SH3D19: variants seen among roughly 807,000 people sequenced by gnomAD.
SH3D19 encodes SH3 domain containing 19.
A neutral mutation model predicts 112.1 loss-of-function variants in SH3D19; 58 were observed. The observed-to-expected ratio is 0.52, with a 90% CI of 0.42 to 0.64. SH3D19 has a LOEUF of 0.64. Among genes scored for constraint, SH3D19 ranks in the 30% least tolerant of loss-of-function variants. SH3D19 has a pLI of 0.00. For synonymous variants in SH3D19, 391 were observed against 448.5 expected (o/e 0.87, Z 1.62); for missense variants, 1,090 against 1,263.4 (o/e 0.86, Z 2.08).
intron 3 of SH3D19, among the ~76,000 whole-genome samples, chr4:151,185,893 A>G (rs1406292887): frequency 6.6e-6 from 1 of 152,158 alleles, no homozygotes; most frequent in African/African-American, 2.4e-5. Flanking sequence ...TACAAAAATT[A>G]GCCGGGCATG....
At chr4:151,213,200 T>C (rs951310454) in intron 2 of SH3D19, among the ~76,000 whole-genome samples, 6 of 152,208 alleles carry the variant, frequency 3.9e-5, no homozygotes, top group Non-Finnish European at 1.5e-5. Flanking sequence ...TAAATTTAGT[T>C]GATAAAGCAG....
intron 14 of SH3D19, 83 bp downstream of exon 14, chr4:151,137,649 T>C: frequency 9.2e-7 from 1 of 1,082,448 alleles, no homozygotes; most frequent in Non-Finnish European, 1.3e-6. Flanking sequence ...AGAATCTGGG[T>C]TTCTAGTTAT....
chr4:151,194,016 A>ATTTTTTTTTTTTTTTT (rs201719037), intron 2 of SH3D19, among the ~76,000 whole-genome samples: 2 of 111,896 alleles, frequency 1.8e-5, no homozygotes, highest in African/African-American at 8.9e-5. Context: ...AGTAGGATTA[A>ATTTTTTTTTTTTTTTT]TTTTTTTTTT....
chr4:151,286,591 A>C (rs1458082940), intron 1 of SH3D19, among the ~76,000 whole-genome samples: 1 of 150,360 alleles, frequency 6.7e-6, no homozygotes, highest in East Asian at 2.0e-4. Context: ...AAGAGATTGC[A>C]TTTGTGATTA....
chr4:151,162,411 G>A (rs1561259308), intron 8 of SH3D19, among the ~76,000 whole-genome samples: 2 of 151,952 alleles, frequency 1.3e-5, no homozygotes, highest in African/African-American at 4.8e-5. Flanking sequence ...GGCTGGTCTC[G>A]AACTCCTAGA....
intron 1 of SH3D19, among the ~76,000 whole-genome samples, chr4:151,265,577 T>TTC (rs1561413464): frequency 6.8e-5 from 10 of 146,502 alleles, no homozygotes; most frequent in East Asian, 2.0e-4. Context: ...TTCTTTTTTT[T>TTC]TTTTTTTTTT....
chr4:151,162,685 C>T (rs1272801859), intron 8 of SH3D19, among the ~76,000 whole-genome samples: 2 of 149,324 alleles, frequency 1.3e-5, no homozygotes, highest in South Asian at 2.2e-4. Context: ...ACCTCCAAAT[C>T]CTGGGTTTAG....
At chr4:151,324,256 A>G (rs1016494678) in intron 1 of SH3D19, among the ~76,000 whole-genome samples, 5 of 150,968 alleles carry the variant, frequency 3.3e-5, no homozygotes, top group Admixed American at 6.6e-5. Context: ...CACAGATACA[A>G]TATCTTCTCT....
chr4:151,251,180 T>C (rs1232124039), intron 1 of SH3D19, among the ~76,000 whole-genome samples: 3 of 65,944 alleles, frequency 4.5e-5, no homozygotes, highest in Admixed American at 3.9e-4. Context: ...CCATTTGTTC[T>C]TTCTTTTTCT....
intron 7 of SH3D19, among the ~76,000 whole-genome samples, chr4:151,169,059 C>T (rs757748039): frequency 6.6e-6 from 1 of 152,104 alleles, no homozygotes; most frequent in Non-Finnish European, 1.5e-5. Flanking sequence ...GAAATCCTGA[C>T]CCAAATCCTG....
intron 3 of SH3D19, among the ~76,000 whole-genome samples, chr4:151,181,253 G>C (rs887974224): frequency 5.3e-5 from 8 of 152,048 alleles, no homozygotes; most frequent in African/African-American, 1.7e-4. Flanking sequence ...GAAAAGATTG[G>C]AAGCATAGAT....
At chr4:151,180,093 G>T (rs1280530540) in intron 3 of SH3D19, among the ~76,000 whole-genome samples, 1 of 152,074 alleles carries the variant, frequency 6.6e-6, no homozygotes, top group Admixed American at 6.5e-5. Flanking sequence ...CATGTTGCTG[G>T]TCTCAAGCTC....
intron 6 of SH3D19, among the ~76,000 whole-genome samples, 183 bp from the exon 7 acceptor site, chr4:151,175,857 G>A (rs1759867822): frequency 6.6e-6 from 1 of 151,994 alleles, no homozygotes; most frequent in Admixed American, 6.6e-5. Flanking sequence ...TTTCCTGTAG[G>A]AGTGCTCTTC....
intron 3 of SH3D19, among the ~76,000 whole-genome samples, chr4:151,182,925 C>A (rs569839951): frequency 6.6e-6 from 1 of 151,912 alleles, no homozygotes; most frequent in Non-Finnish European, 1.5e-5. Flanking sequence ...GTTAATGCCA[C>A]AGAATAAAGG....
At position 151,165,654 on chromosome 4, in the gene SH3D19, C is replaced by G; in HGVS notation, c.1577G>C (p.Arg526Pro). The change falls in exon 8 of 20, where the codon CGA becomes CCA. Residue 526 changes from arginine to proline, a missense_variant. Coordinates refer to ENST00000604030, the MANE Select transcript of SH3D19 (RefSeq NM_001378122.1). ...CCTGGTGGGTGCTGGTTGAACTGCT[C>G]GTTCTTTTATTGGTTCTGTTTTTGC... ...LPAKTEPIKE[R>P]AVQPAPTRKP... 1.2e-6 allele frequency: 2 copies of G among 1,614,068 alleles called. No homozygotes were observed. Among genetic ancestry groups the G allele is most frequent in the South Asian group, 1.1e-5 (1 of 91,060 alleles).
intron 7 of SH3D19, 127 bp from the exon 8 acceptor site, chr4:151,165,823 T>A (rs1757918642): frequency 1.3e-6 from 1 of 744,112 alleles, no homozygotes; most frequent in Non-Finnish European, 2.2e-6. Context: ...AAACAAAATC[T>A]CAGTTTGCAG....
intron 1 of SH3D19, among the ~76,000 whole-genome samples, chr4:151,302,230 G>C (rs1453978724): frequency 1.3e-5 from 2 of 152,178 alleles, no homozygotes; most frequent in Non-Finnish European, 2.9e-5. Flanking sequence ...CCTTCGGCCA[G>C]GATCCCAGAA....
rs144685187 is a variant in SH3D19, at chr4:151,196,362, G to A, written c.153-8899C>T. ...GGGGATGGCTTGAGCCTGGGAATTC[G>A]AGGCTGCAGTGGGCCAGGATGGCAC... On this transcript the variant is annotated intron_variant, in intron 2 of 19. Coordinates refer to ENST00000604030, the MANE Select transcript of SH3D19 (RefSeq NM_001378122.1). Among the ~76,000 whole-genome samples, 44 of 152,258 alleles carry A rather than the reference G, an allele frequency of 2.9e-4. 1 individual carries two copies. The highest frequency in any genetic ancestry group is 8.9e-4 in the African/African-American group (37 of 41,544).
intron 19 of SH3D19, among the ~76,000 whole-genome samples, chr4:151,122,792 T>C (rs961918710): frequency 6.6e-6 from 1 of 152,058 alleles, no homozygotes; most frequent in Non-Finnish European, 1.5e-5. Flanking sequence ...CTAACTCTTA[T>C]GTAAACACCA....
Sources: gnomAD v4.1 joint callset for allele counts (sites outside exome capture counted in the v4.1 genomes callset) on GRCh38, gnomAD v4.1.1 for gene constraint, MANE v1.5 for transcripts, NCBI Gene and HGNC (gene_info 2026-07-23, HGNC 2026-07-21) for gene names.